Variants in TEX36 observed in about 807,000 individuals in gnomAD.
The protein encoded by TEX36 is testis expressed 36.
In TEX36, 12 loss-of-function variants were observed where a neutral mutation model predicts 13.6. The observed-to-expected ratio is 0.88, with a 90% CI of 0.56 to 1.43. The LOEUF (loss-of-function observed/expected upper bound fraction) is 1.43. Ranked by LOEUF, TEX36 falls within the 40% of genes most tolerant of loss-of-function variation. The pLI is 0.00. For missense variants in TEX36, 224 were observed against 228.3 expected, an observed-to-expected ratio of 0.98 and a Z score of 0.12; for synonymous variants, 93 against 83.0, an observed-to-expected ratio of 1.12 and a Z score of -0.65.
At chr10:125,656,351 G>A (rs1846944652) in intron 3 of TEX36, among the ~76,000 whole-genome samples, 155 bp from the exon 4 acceptor site, 1 of 147,568 alleles carries the variant, frequency 6.8e-6, no homozygotes, top group Non-Finnish European at 1.5e-5. Flanking sequence ...CTGCCTCCCG[G>A]GTTCAAGCAA....
At chr10:125,628,953 A>T (rs7920745) in intron 3 of TEX36, among the ~76,000 whole-genome samples, 15 of 152,140 alleles carry the variant, frequency 9.9e-5, no homozygotes, top group African/African-American at 3.1e-4. Context: ...TCCTCACAAC[A>T]TCCTCTTGAG....
At chr10:125,592,939 G>T (rs1261503613) in intron 3 of TEX36, among the ~76,000 whole-genome samples, 1 of 152,158 alleles carries the variant, frequency 6.6e-6, no homozygotes, top group African/African-American at 2.4e-5. Flanking sequence ...GTCCTCTCAG[G>T]GGCAACACCC....
At chr10:125,618,558 A>C (rs1846386636), downstream of TEX36, among the ~76,000 whole-genome samples, 1 of 152,048 alleles carries the variant, frequency 6.6e-6, no homozygotes. Flanking sequence ...GTGAGGTGTC[A>C]GTCTGCCCCT....
intron 3 of TEX36, among the ~76,000 whole-genome samples, chr10:125,633,568 A>G: frequency 6.6e-6 from 1 of 152,232 alleles, no homozygotes; most frequent in East Asian, 1.9e-4. Flanking sequence ...TCTGATAGCG[A>G]TTGTGCACTT....
intron 3 of TEX36, chr10:125,578,215 G>A (rs1845849431): frequency 6.6e-6 from 1 of 152,196 alleles, no homozygotes; most frequent in Non-Finnish European, 1.5e-5. Flanking sequence ...CTTCAGGTGA[G>A]GAGAAGATGC....
intron 3 of TEX36, among the ~76,000 whole-genome samples, chr10:125,645,042 C>A (rs1846747240): frequency 6.6e-6 from 1 of 152,140 alleles, no homozygotes; most frequent in South Asian, 2.1e-4. Flanking sequence ...TGTGCCACAA[C>A]CACACAAACA....
chr10:125,590,064 C>A (rs17153224), intron 3 of TEX36, among the ~76,000 whole-genome samples: 19 of 152,112 alleles, frequency 1.2e-4, no homozygotes, highest in Non-Finnish European at 2.1e-4. Context: ...TAACATTACA[C>A]GACCTTGGAC....
At position 125,577,853 on chromosome 10, in the gene TEX36, G is replaced by A. The variant is rs79768333; in HGVS notation, c.265-979C>T. On this transcript the variant is annotated intron_variant, in intron 3 of 3. Transcript: ENST00000532135. Reference sequence around the variant, plus strand: ...TTGTAGACTGCACAAATAACTGGAAGGAGTACTGACTTTTTTTGGTTTCCG... The same window carrying A: ...TTGTAGACTGCACAAATAACTGGAAAGAGTACTGACTTTTTTTGGTTTCCG... Among the ~76,000 whole-genome samples, 1,078 of 152,320 alleles carry A rather than the reference G, an allele frequency of 7.1e-3. 4 individuals carry two copies. The highest frequency in any genetic ancestry group is 0.021 in the Admixed American group (321 of 15,304).
intron 3 of TEX36, among the ~76,000 whole-genome samples, chr10:125,588,688 C>T (rs996176326): frequency 1.3e-5 from 2 of 152,206 alleles, no homozygotes; most frequent in African/African-American, 4.8e-5. Flanking sequence ...AATCTCGGCT[C>T]ACTGCAAACT....
chr10:125,646,637 G>T (rs1340854268), intron 3 of TEX36, among the ~76,000 whole-genome samples: 2 of 151,998 alleles, frequency 1.3e-5, no homozygotes, highest in Non-Finnish European at 2.9e-5. Flanking sequence ...CAGAGCAAAG[G>T]CATGTAAACA....
chr10:125,618,873 G>A (rs546073645), downstream of TEX36, among the ~76,000 whole-genome samples: 9 of 148,238 alleles, frequency 6.1e-5, no homozygotes, highest in South Asian at 6.4e-4. Flanking sequence ...TTGGGAGGCC[G>A]AGGCAGGTGG....
chr10:125,628,581 G>A (rs570422463), intron 3 of TEX36, among the ~76,000 whole-genome samples: 24 of 152,226 alleles, frequency 1.6e-4, no homozygotes, highest in Non-Finnish European at 2.2e-4. Flanking sequence ...TTAGATTTCC[G>A]GACACAGGAA....
At chr10:125,588,469 G>C (rs1343182303) in intron 3 of TEX36, among the ~76,000 whole-genome samples, 2 of 152,198 alleles carry the variant, frequency 1.3e-5, no homozygotes, top group African/African-American at 2.4e-5. Flanking sequence ...CAGAGTGCTG[G>C]CGTCTGCTTC....
At chr10:125,609,333 C>T (rs1029805875) in intron 3 of TEX36, among the ~76,000 whole-genome samples, 1 of 152,132 alleles carries the variant, frequency 6.6e-6, no homozygotes, top group Non-Finnish European at 1.5e-5. Context: ...TGCCTGAGTT[C>T]AGTGTCTTCA....
At chr10:125,588,002 A>G (rs1044550158) in intron 3 of TEX36, among the ~76,000 whole-genome samples, 2 of 152,176 alleles carry the variant, frequency 1.3e-5, no homozygotes, top group African/African-American at 4.8e-5. Context: ...TGGTGTGGAT[A>G]CCATAATCTA....
intron 3 of TEX36, among the ~76,000 whole-genome samples, chr10:125,589,888 A>G (rs375801732): frequency 6.6e-6 from 1 of 152,134 alleles, no homozygotes; most frequent in Non-Finnish European, 1.5e-5. Flanking sequence ...TTCTCAAGTG[A>G]TGTGGTTTGT....
At chr10:125,624,425 T>A (rs1409966962) in intron 3 of TEX36, among the ~76,000 whole-genome samples, 1 of 152,182 alleles carries the variant, frequency 6.6e-6, no homozygotes, top group Non-Finnish European at 1.5e-5. Flanking sequence ...GTCCTGAGCC[T>A]GTTTGGGCTC....
chr10:125,592,749 A>G (rs1846036498), intron 3 of TEX36, among the ~76,000 whole-genome samples: 1 of 152,200 alleles, frequency 6.6e-6, no homozygotes, highest in Admixed American at 6.5e-5. Context: ...ATAAGTCAGG[A>G]GTCCCACAAC....
chr10:125,606,946 C>T (rs972955546), intron 3 of TEX36, among the ~76,000 whole-genome samples: 5 of 152,202 alleles, frequency 3.3e-5, no homozygotes, highest in African/African-American at 4.8e-5. Flanking sequence ...ACCTTGACAA[C>T]GTACACATAA....
Sources: allele counts gnomAD v4.1 joint callset (sites outside exome capture counted in the v4.1 genomes callset), GRCh38; gene constraint gnomAD v4.1.1; transcripts MANE v1.5; gene names NCBI Gene and HGNC (gene_info 2026-07-23, HGNC 2026-07-21).